Variants in SLC71A2 observed in about 807,000 individuals in gnomAD.
The protein encoded by SLC71A2 is solute carrier family 71 member 2.
At chr9:94,419,846 T>A in the SLC71A2 span, among the ~76,000 whole-genome samples, 5 of 152,322 alleles carry the variant, frequency 3.3e-5, no homozygotes, top group African/African-American at 1.2e-4. Context: ...GCTGCTGATG[T>A]CTCTTTTCAG....
the SLC71A2 span, among the ~76,000 whole-genome samples, chr9:94,451,085 A>G: frequency 4.6e-5 from 7 of 152,192 alleles, no homozygotes; most frequent in Non-Finnish European, 8.8e-5. Flanking sequence ...GTTGAGAGCC[A>G]CTGGCTTTGC....
At chr9:94,454,769 A>G in the SLC71A2 span, among the ~76,000 whole-genome samples, 1 of 152,192 alleles carries the variant, frequency 6.6e-6, no homozygotes, top group East Asian at 1.9e-4. Context: ...ATCATTACCT[A>G]TCAGTAACAT....
the SLC71A2 span, among the ~76,000 whole-genome samples, chr9:94,417,469 A>G: frequency 2.0e-5 from 3 of 152,088 alleles, no homozygotes; most frequent in African/African-American, 4.8e-5. Context: ...CTGTACTAAA[A>G]ATACAAAATT....
chr9:94,384,347 T>TA, the SLC71A2 span, among the ~76,000 whole-genome samples: 2 of 151,532 alleles, frequency 1.3e-5, no homozygotes, highest in Non-Finnish European at 2.9e-5. Flanking sequence ...TTTTTTTTTT[T>TA]TTTTTTGGAC....
the SLC71A2 span, among the ~76,000 whole-genome samples, chr9:94,419,323 C>G: frequency 7.1e-6 from 1 of 140,394 alleles, no homozygotes; most frequent in Non-Finnish European, 1.5e-5. Context: ...TTGAGACAGT[C>G]TCTCTCTGTT....
chr9:94,403,706 A>G, the SLC71A2 span, among the ~76,000 whole-genome samples: 2 of 152,056 alleles, frequency 1.3e-5, no homozygotes, highest in African/African-American at 4.8e-5. Flanking sequence ...TTGCTGGGTC[A>G]TGGAGTAATT....
chr9:94,408,858 C>G, the SLC71A2 span, among the ~76,000 whole-genome samples: 3 of 143,574 alleles, frequency 2.1e-5, no homozygotes, highest in Non-Finnish European at 4.5e-5. Flanking sequence ...GAGTCTCGCT[C>G]TGTCACCCAG....
At chr9:94,389,765 C>T in the SLC71A2 span, among the ~76,000 whole-genome samples, 55 of 151,990 alleles carry the variant, frequency 3.6e-4, no homozygotes, top group African/African-American at 1.2e-3. Flanking sequence ...CACCACCATG[C>T]CTGGCTAATT....
chr9:94,391,101 A>G, the SLC71A2 span, among the ~76,000 whole-genome samples: 1 of 147,820 alleles, frequency 6.8e-6, no homozygotes, highest in Admixed American at 6.9e-5. Context: ...GATTGGCTGG[A>G]TGTGGTAGCT....
the SLC71A2 span, among the ~76,000 whole-genome samples, chr9:94,392,851 C>T: frequency 6.6e-6 from 1 of 151,326 alleles, no homozygotes; most frequent in Non-Finnish European, 1.5e-5. Flanking sequence ...GTATTTCCTC[C>T]CAATTAAGGC....
chr9:94,397,848 A>G, the SLC71A2 span, among the ~76,000 whole-genome samples: 1 of 152,218 alleles, frequency 6.6e-6, no homozygotes, highest in African/African-American at 2.4e-5. Flanking sequence ...TATCAACAGT[A>G]TGTGCCACTG....
the SLC71A2 span, among the ~76,000 whole-genome samples, chr9:94,457,393 G>GC: frequency 9.0e-6 from 1 of 110,734 alleles, no homozygotes; most frequent in Non-Finnish European, 1.9e-5. Context: ...ATGCCTAAGA[G>GC]CCCTTTTTTT....
chr9:94,450,920 G>C, the SLC71A2 span, among the ~76,000 whole-genome samples: 1 of 152,184 alleles, frequency 6.6e-6, no homozygotes, highest in Admixed American at 6.5e-5. Flanking sequence ...GAATCACCAT[G>C]GGAGCTTTTA....
At chr9:94,396,094 G>A in the SLC71A2 span, among the ~76,000 whole-genome samples, 1 of 151,846 alleles carries the variant, frequency 6.6e-6, no homozygotes. Context: ...TGGCAGTGAA[G>A]TACCTGCCTC....
chr9:94,451,408 ATTTT>A, the SLC71A2 span: 14 of 904,318 alleles, frequency 1.5e-5, no homozygotes, highest in African/African-American at 2.5e-4. Context: ...ATTTCTTATT[ATTTT>A]ATAATATCTA....
At chr9:94,382,462 G>A in the SLC71A2 span, among the ~76,000 whole-genome samples, 1 of 152,076 alleles carries the variant, frequency 6.6e-6, no homozygotes, top group African/African-American at 2.4e-5. Flanking sequence ...TATTTGGGAT[G>A]CAAGTCCCTC....
At chr9:94,378,204 A>G in the SLC71A2 span, among the ~76,000 whole-genome samples, 1 of 151,738 alleles carries the variant, frequency 6.6e-6, no homozygotes, top group Non-Finnish European at 1.5e-5. Context: ...AGACTGGGGA[A>G]TTTATCAAGA....
chr9:94,459,572 G>T, the SLC71A2 span: 186 of 480,334 alleles, frequency 3.9e-4, no homozygotes, highest in East Asian at 9.0e-4. Flanking sequence ...TCCTCCTCCT[G>T]TTTTTTTTTT....
chr9:94,379,884 G>C, the SLC71A2 span, among the ~76,000 whole-genome samples: 1 of 152,100 alleles, frequency 6.6e-6, no homozygotes, highest in African/African-American at 2.4e-5. Flanking sequence ...CTACGTAACA[G>C]GAATACATTA....
Sources: allele counts gnomAD v4.1 joint callset (sites outside exome capture counted in the v4.1 genomes callset), GRCh38; gene constraint gnomAD v4.1.1; transcripts MANE v1.5; gene names NCBI Gene and HGNC (gene_info 2026-07-23, HGNC 2026-07-21).